Variants in POLR3GL observed in about 807,000 individuals in gnomAD.
POLR3GL encodes the protein DNA-directed RNA polymerase III subunit RPC7-like.
In POLR3GL, 26 loss-of-function variants were observed where a neutral mutation model predicts 32.4. The ratio of observed to expected loss-of-function variants is 0.80; its 90% CI spans 0.59 to 1.11. The LOEUF (loss-of-function observed/expected upper bound fraction) is 1.11. Among genes scored for constraint, POLR3GL ranks in the 50% most tolerant of loss-of-function variants. The pLI, the probability that POLR3GL is intolerant of heterozygous loss-of-function variation, is 0.00. For missense variants in POLR3GL, 229 were observed against 280.1 expected, an observed-to-expected ratio of 0.82 and a Z score of 1.30; for synonymous variants, 95 against 98.7, an observed-to-expected ratio of 0.96 and a Z score of 0.22.
intron 3 of POLR3GL, among the ~76,000 whole-genome samples, chr1:145,976,201 C>T (rs1251408481): frequency 1.3e-5 from 2 of 151,734 alleles, no homozygotes; most frequent in African/African-American, 4.8e-5. Context: ...GCATGAGAAT[C>T]GCTTGAACCT....
At chr1:145,975,851 C>G (rs950028685) in intron 3 of POLR3GL, among the ~76,000 whole-genome samples, 4 of 152,038 alleles carry the variant, frequency 2.6e-5, no homozygotes, top group Non-Finnish European at 5.9e-5. Context: ...TTTTAACAAT[C>G]TGGATATTAT....
At position 145,967,368 on chromosome 1, in the gene POLR3GL, G is replaced by T. The variant is rs587681465; in HGVS notation, c.-42+2600G>T. ...TTTTTGTATTTTTAGTAGAGACAGG[G>T]TTTCTCTATGTTGCCCAGGCTGGTC... On this transcript the variant is annotated intron_variant, in intron 1 of 7. Coordinates refer to ENST00000369314, the MANE Select transcript of POLR3GL (RefSeq NM_032305.3). 4.6e-5 allele frequency among the ~76,000 whole-genome samples: 7 copies of T among 152,040 alleles called. No individual in the cohort carries two copies. In the East Asian group the frequency reaches 1.4e-3, roughly 29 times the overall value.
intron 3 of POLR3GL, among the ~76,000 whole-genome samples, chr1:145,976,068 A>C (rs1650539154): frequency 6.6e-6 from 1 of 151,896 alleles, no homozygotes; most frequent in African/African-American, 2.4e-5. Context: ...TGAGGCCAGG[A>C]GTTTGAGGCC....
rs145100225 is a variant in POLR3GL at position 145,972,873 on chromosome 1, T to C, written c.-41-1952T>C. Among the ~76,000 whole-genome samples the C allele has an allele frequency of 1.1e-3, 166 of 152,132 alleles. 3 individuals are homozygous for C. The East Asian group carries it at 0.026, about 24-fold the overall frequency. ...CCACCATGCCTGGCTAATTTTTGTATTTTTTGTAAAGACGAGGTTTTGCCC... is the reference window on the plus strand; with the variant it reads ...CCACCATGCCTGGCTAATTTTTGTACTTTTTGTAAAGACGAGGTTTTGCCC... On this transcript the variant is annotated intron_variant, in intron 1 of 7. Coordinates refer to ENST00000369314, the MANE Select transcript of POLR3GL (RefSeq NM_032305.3).
intron 1 of POLR3GL, among the ~76,000 whole-genome samples, chr1:145,965,851 C>CA (rs1420479924): frequency 6.6e-6 from 1 of 152,196 alleles, no homozygotes; most frequent in Non-Finnish European, 1.5e-5. Flanking sequence ...CACGGTGGCT[C>CA]ATGCCTGTAA....
chr1:145,975,448 T>A lies in POLR3GL; in HGVS notation c.256+12T>A. ...TGTCCCCAAGAGAGGTCAGTTGGAATGCTAGCATCATATTCTGAGTGCCTT... is the reference window on the plus strand; with the variant it reads ...TGTCCCCAAGAGAGGTCAGTTGGAAAGCTAGCATCATATTCTGAGTGCCTT... On this transcript the variant is annotated intron_variant, in intron 3 of 7. Coordinates refer to ENST00000369314, the MANE Select transcript of POLR3GL (RefSeq NM_032305.3). 6.2e-7 allele frequency: 1 copy of A among 1,612,538 alleles called. No individual in the cohort carries two copies. The highest frequency in any genetic ancestry group is 1.7e-5 in the Admixed American group (1 of 59,988).
chr1:145,970,023 C>T (rs1198998354), intron 1 of POLR3GL, among the ~76,000 whole-genome samples: 2 of 151,894 alleles, frequency 1.3e-5, no homozygotes, highest in African/African-American at 4.8e-5. Context: ...ACATATCCTT[C>T]TATAACAGAT....
intron 2 of POLR3GL, 143 bp downstream of exon 2, chr1:145,975,134 C>A: frequency 1.5e-6 from 2 of 1,314,056 alleles, no homozygotes; most frequent in Non-Finnish European, 2.1e-6. Context: ...GTTTTGCAGG[C>A]AAAGAAGTGT....
In POLR3GL at chr1:145,966,458, T is replaced by G. The variant is rs192980756; in HGVS notation, c.-42+1690T>G. On this transcript the variant is annotated intron_variant, in intron 1 of 7. Transcript: ENST00000369314. ...ATTGCCACTGCACTGCACTTCAGCC[T>G]AAGCGACAGAGCAAGAACCTGTCTC... 9.9e-4 allele frequency among the ~76,000 whole-genome samples: 123 copies of G among 123,954 alleles called. 1 individual carries two copies. Among genetic ancestry groups the G allele is most frequent in the African/African-American group, 3.7e-3 (118 of 31,630 alleles). The allele number at this position is 123,954 out of a possible 152,430, so 81.3% of individuals were successfully genotyped here. A position where few individuals can be genotyped will look rare whatever the true frequency, so the allele number is the denominator to read the frequency against.
At chr1:145,978,290 G>A in intron 7 of POLR3GL, 71 bp from the exon 8 acceptor site, 1 of 1,341,258 alleles carries the variant, frequency 7.5e-7, no homozygotes, top group Non-Finnish European at 1.1e-6. Flanking sequence ...TGACTGAGAG[G>A]AAAGGGGTCT....
chr1:145,971,984 AAAAAAATATAT>A (rs1463029758), intron 1 of POLR3GL, among the ~76,000 whole-genome samples: 7 of 122,352 alleles, frequency 5.7e-5, no homozygotes, highest in Non-Finnish European at 6.6e-5. Flanking sequence ...AAAAAAAAAA[AAAAAAATATAT>A]ATATATATAT....
At position 145,974,977 on chromosome 1, in the gene POLR3GL, T is replaced by C; in HGVS notation, c.112T>C (p.Ser38Pro). The C allele has an allele frequency of 6.6e-7, 1 of 1,516,752 alleles. No homozygotes were observed. The highest frequency in any genetic ancestry group is 1.4e-5 in the African/African-American group (1 of 70,536). The allele number at this position is 1,516,752 out of a possible 1,614,324, so 94.0% of individuals were successfully genotyped here. Residue 38 changes from serine (S) to proline (P), a missense_variant, in exon 2 of 8, where the codon TCT becomes CCT. By Grantham distance (74) the Ser-to-Pro change is moderately conservative. Coordinates refer to ENST00000369314, the MANE Select transcript of POLR3GL (RefSeq NM_032305.3). ...TTTGCCCCCACCCACCCTGCAGCCT[T>C]CTCCACTCTTCCCTGTGAGTCTCTC... The part of the protein sequence containing the change: ...DALPPPTLQP[S>P]PLFPPLEFRP...
In POLR3GL at chr1:145,974,906, A is replaced by C. The variant is rs781893139; in HGVS notation, c.41A>C (p.Gln14Pro). Residue 14 changes from glutamine (Q) to proline (P), a missense_variant, in exon 2 of 8, where the codon CAG (glutamine) becomes CCG (proline). Gln to Pro is a moderately conservative substitution (Grantham distance 76). Coordinates refer to ENST00000369314, the MANE Select transcript of POLR3GL (RefSeq NM_032305.3). ...GGGGGCCGGGGTCGTGGCCGGGGCC[A>C]GTTGACCTTCAACGTGGAGGCCGTG... is the stretch of plus-strand genomic sequence containing the variant. ...RGGGRGRGRGQLTFNVEAVGI... is the reference protein window; with the variant it reads ...RGGGRGRGRGPLTFNVEAVGI... 6.6e-7 allele frequency: 1 copy of C among 1,524,022 alleles called. No individual in the cohort carries two copies. Among genetic ancestry groups the C allele is most frequent in the South Asian group, 1.3e-5 (1 of 76,502 alleles). 94.4% of individuals were successfully genotyped at this position (1,524,022 alleles called of 1,614,324 possible).
chr1:145,975,870 A>G (rs587733931), intron 3 of POLR3GL, among the ~76,000 whole-genome samples: 1 of 152,246 alleles, frequency 6.6e-6, no homozygotes, highest in African/African-American at 2.4e-5. Context: ...ATAAGCACCA[A>G]CCAACAAGAG....
At chr1:145,973,812 A>G (rs1424402385) in intron 1 of POLR3GL, among the ~76,000 whole-genome samples, 1 of 151,994 alleles carries the variant, frequency 6.6e-6, no homozygotes, top group Admixed American at 6.6e-5. Context: ...GATGACCTCT[A>G]TAAGGGTCCT....
intron 3 of POLR3GL, among the ~76,000 whole-genome samples, chr1:145,976,286 CA>C (rs1392635339): frequency 6.1e-5 from 8 of 131,876 alleles, no homozygotes; most frequent in African/African-American, 5.6e-5. Context: ...ACCTCTGTCT[CA>C]AAAAAAAAAG....
At chr1:145,973,961 TAAAAAAAAA>T (rs35199064) in intron 1 of POLR3GL, among the ~76,000 whole-genome samples, 1 of 104,940 alleles carries the variant, frequency 9.5e-6, no homozygotes. Context: ...TCCAGTCTCT[TAAAAAAAAA>T]AAAAAAAAAA....
Position 145,978,372 on chromosome 1 carries a change from C to T in POLR3GL, c.582C>T (p.Tyr194=), listed in dbSNP as rs782433613. 3.8e-6 allele frequency: 6 copies of T among 1,588,582 alleles called. No homozygotes were observed. The Admixed American group carries it at 1.0e-4, about 27-fold the overall frequency. Residue 194 remains tyrosine, a synonymous_variant, in exon 8 of 8, where the codon TAC becomes TAT. Coordinates refer to ENST00000369314, the MANE Select transcript of POLR3GL (RefSeq NM_032305.3). ...TTTTTCCATTTCAGGAAACTGATTA[C>T]ATCATGTCATATTTTGACAATGGAG... ...DEEEHEEETD[Y]IMSYFDNGED...
intron 1 of POLR3GL, among the ~76,000 whole-genome samples, chr1:145,973,246 A>G (rs964639584): frequency 6.6e-6 from 1 of 152,136 alleles, no homozygotes; most frequent in Non-Finnish European, 1.5e-5. Context: ...TTATTCCCCC[A>G]TCCTAGCTGC....
Sources: allele counts gnomAD v4.1 joint callset (sites outside exome capture counted in the v4.1 genomes callset), GRCh38; gene constraint gnomAD v4.1.1; transcripts MANE v1.5; gene names NCBI Gene and HGNC (gene_info 2026-07-23, HGNC 2026-07-21).